Variants in HERC3 observed in about 807,000 individuals in gnomAD.
HERC3 encodes HECT and RLD domain containing E3 ubiquitin protein ligase 3, also known as probable E3 ubiquitin-protein ligase HERC3.
In HERC3, 58 loss-of-function variants were observed where a neutral mutation model predicts 129.9. The ratio of observed to expected loss-of-function variants is 0.45; its 90% confidence interval spans 0.36 to 0.56. HERC3 has a LOEUF of 0.56. HERC3 is among the 20% of genes least tolerant of loss of function. The pLI is 0.00. For missense variants in HERC3, 835 were observed against 1,244.2 expected (o/e 0.67, Z 4.95); for synonymous variants, 430 against 451.0 (o/e 0.95, Z 0.59).
At position 88,602,011 on chromosome 4, in the gene HERC3, C is replaced by G. The variant is rs539703304; in HGVS notation, c.-29-3784C>G. On this transcript the variant is annotated intron_variant, in intron 2 of 25. Transcript: ENST00000402738. The stretch of plus-strand genomic sequence containing the variant: ...GCGGAGCTTGCAGTGAGCCGAGATC[C>G]CGCCACTGCACTCCAGCCTGGGCGA... 3.3e-4 allele frequency among the ~76,000 whole-genome samples: 45 copies of G among 135,810 alleles called. 7 individuals are homozygous for G. Among genetic ancestry groups the G allele is most frequent in the African/African-American group, 1.2e-3 (38 of 31,192 alleles). The allele number at this position is 135,810 out of a possible 152,430, so 89.1% of individuals were successfully genotyped here.
At chr4:88,593,857 C>A (rs770429935) in intron 1 of HERC3, among the ~76,000 whole-genome samples, 12 of 152,214 alleles carry the variant, frequency 7.9e-5, no homozygotes, top group Non-Finnish European at 1.6e-4. Context: ...TACTGTGAAG[C>A]TCTCTCCTTT....
Position 88,658,400 on chromosome 4 carries a change from T to G in HERC3, c.1070-15T>G. On this transcript the variant is annotated splice_polypyrimidine_tract_variant and intron_variant, in intron 9 of 25. Transcript: ENST00000402738. ...ATTAATGAAAAATATGCTTTCGGAATTTTTTTTTTGACAGATCGCTTTAAA... is the reference window on the plus strand; with the variant it reads ...ATTAATGAAAAATATGCTTTCGGAAGTTTTTTTTTGACAGATCGCTTTAAA... 8.7e-7 allele frequency: 1 copy of G among 1,144,050 alleles called. No homozygotes were observed. Among genetic ancestry groups the G allele is most frequent in the Non-Finnish European group, 1.2e-6 (1 of 820,670 alleles). The allele number at this position is 1,144,050 out of a possible 1,614,324, so 70.9% of individuals were successfully genotyped here. A position where few individuals can be genotyped will look rare whatever the true frequency, so the allele number is the denominator to read the frequency against.
chr4:88,628,838 A>G (rs1726428494), intron 3 of HERC3, among the ~76,000 whole-genome samples: 1 of 152,180 alleles, frequency 6.6e-6, no homozygotes, highest in South Asian at 2.1e-4. Context: ...AGTTGAAAAA[A>G]TTGTGAATAG....
the HERC3 span, among the ~76,000 whole-genome samples, chr4:88,579,487 G>A: frequency 6.6e-6 from 1 of 152,070 alleles, no homozygotes; most frequent in African/African-American, 2.4e-5. Flanking sequence ...CCTTGGAATG[G>A]GTATGGGGAA....
At chr4:88,555,708 T>G in the HERC3 span, among the ~76,000 whole-genome samples, 1 of 152,260 alleles carries the variant, frequency 6.6e-6, no homozygotes, top group Admixed American at 6.5e-5. Context: ...TAAAATTTAC[T>G]TACTATTTTG....
chr4:88,646,718 T>G (rs901583570), intron 3 of HERC3, among the ~76,000 whole-genome samples: 1 of 152,132 alleles, frequency 6.6e-6, no homozygotes, highest in African/African-American at 2.4e-5. Flanking sequence ...AATGAGGCAT[T>G]CATCAGCACA....
rs1732612014 is a variant in HERC3, at chr4:88,680,181, T to A, written c.2285T>A (p.Ile762Asn). 2 of 1,613,170 alleles carry A rather than the reference T, an allele frequency of 1.2e-6. No homozygotes were observed. The highest frequency in any genetic ancestry group is 1.7e-6 in the Non-Finnish European group (2 of 1,179,544). ...CTGTTAAAAGAACTTTTGAATCCCA[T>A]CTATGGAATGTTTACCTACTATCAA... ...LLLLKELLNP[I>N]YGMFTYYQDS... Residue 762 changes from isoleucine to asparagine, a missense_variant, in exon 20 of 26, where the codon ATC (isoleucine) becomes AAC (asparagine). Transcript: ENST00000402738.
At chr4:88,602,253 A>G (rs1723076426) in intron 2 of HERC3, among the ~76,000 whole-genome samples, 1 of 150,744 alleles carries the variant, frequency 6.6e-6, no homozygotes, top group South Asian at 2.1e-4. Context: ...TACCAAAAAA[A>G]TAGTGGGGTG....
chr4:88,664,102 A>G (rs770595161), intron 11 of HERC3, 51 bp from the exon 12 acceptor site: 1 of 1,484,080 alleles, frequency 6.7e-7, no homozygotes, highest in Non-Finnish European at 9.3e-7. Context: ...TTAAATAACC[A>G]TTTATTTGTA....
At chr4:88,663,809 C>CT (rs1283246534) in intron 11 of HERC3, among the ~76,000 whole-genome samples, 2 of 152,132 alleles carry the variant, frequency 1.3e-5, no homozygotes, top group Non-Finnish European at 2.9e-5. Context: ...CTTGGCTTCT[C>CT]TTTTTTGGTT....
chr4:88,549,666 A>G, the HERC3 span, among the ~76,000 whole-genome samples: 1 of 151,696 alleles, frequency 6.6e-6, no homozygotes, highest in Non-Finnish European at 1.5e-5. Flanking sequence ...ATGGCTGTGA[A>G]GTATTCCATG....
chr4:88,662,075 G>T (rs573775205), intron 10 of HERC3, among the ~76,000 whole-genome samples: 1 of 152,270 alleles, frequency 6.6e-6, no homozygotes, highest in South Asian at 2.1e-4. Flanking sequence ...AGAGGGAGGG[G>T]TTGAAATGCA....
At chr4:88,603,436 T>G (rs1466700139) in intron 2 of HERC3, among the ~76,000 whole-genome samples, 4 of 151,950 alleles carry the variant, frequency 2.6e-5, no homozygotes, top group Non-Finnish European at 5.9e-5. Flanking sequence ...TCGAACTCCT[T>G]CCTCAGGTGA....
the HERC3 span, among the ~76,000 whole-genome samples, chr4:88,545,430 CTT>C: frequency 0.14 from 15,948 of 110,054 alleles, 1,018 homozygotes; most frequent in Admixed American, 0.24. Context: ...TTTGAGAATT[CTT>C]TTTTTTTTTT....
At chr4:88,680,351 T>G in intron 20 of HERC3, 115 bp downstream of exon 20, 1 of 708,900 alleles carries the variant, frequency 1.4e-6, no homozygotes, top group Non-Finnish European at 2.2e-6. Context: ...GGATAATAAT[T>G]CAAAATGTTT....
chr4:88,651,009 T>C (rs947549399), intron 4 of HERC3, among the ~76,000 whole-genome samples: 1 of 152,216 alleles, frequency 6.6e-6, no homozygotes, highest in Non-Finnish European at 1.5e-5. Flanking sequence ...ATTCAGTTCT[T>C]GATTTAGGAC....
chr4:88,628,962 C>T (rs1039628079), intron 3 of HERC3, among the ~76,000 whole-genome samples: 3 of 152,048 alleles, frequency 2.0e-5, no homozygotes, highest in African/African-American at 7.2e-5. Context: ...TTGCTTGAGG[C>T]CAGGAATTTG....
chr4:88,653,514 C>T (rs1408786376), intron 6 of HERC3, among the ~76,000 whole-genome samples: 1 of 152,026 alleles, frequency 6.6e-6, no homozygotes, highest in East Asian at 1.9e-4. Context: ...TCAGAGAAGT[C>T]GTGTAGACCC....
intron 10 of HERC3, among the ~76,000 whole-genome samples, chr4:88,659,492 G>A (rs1354477945): frequency 6.6e-6 from 1 of 152,230 alleles, no homozygotes; most frequent in African/African-American, 2.4e-5. Context: ...GACAGCTAAA[G>A]CTGATGATTA....
Sources: gnomAD v4.1 joint callset for allele counts (sites outside exome capture counted in the v4.1 genomes callset) on GRCh38, gnomAD v4.1.1 for gene constraint, MANE v1.5 for transcripts, NCBI Gene and HGNC (gene_info 2026-07-23, HGNC 2026-07-21) for gene names.